The following WTIP variants were observed in gnomAD, a reference collection of about 807,000 sequenced individuals.
WTIP encodes the protein WT1 interacting protein.
Under a neutral mutation model 41.7 loss-of-function variants are expected in WTIP, and 23 were observed. The ratio of observed to expected loss-of-function variants is 0.55; its 90% CI spans 0.40 to 0.78. WTIP has a LOEUF of 0.78. WTIP is among the 30% of genes least tolerant of loss of function. The probability of loss-of-function intolerance (pLI) is 0.00; values close to 1 mark genes in which losing one functional copy is unlikely to be tolerated. For synonymous variants in WTIP, 314 were observed against 269.9 expected (o/e 1.16, Z -1.60); for missense variants, 619 against 610.5 (o/e 1.01, Z -0.15).
In WTIP at chr19:34,495,676, G is replaced by A. The variant is rs775898051; in HGVS notation, c.1084-27G>A. 4.2e-5 allele frequency: 67 copies of A among 1,612,660 alleles called. No homozygotes were observed. In the Middle Eastern group the frequency reaches 4.9e-4, roughly 12 times the overall value. ...TGCCTCCAGTCCCCACATGCTCATC[G>A]TGTGTGAACTCCTTCTCTTCCTCCA... On this transcript the variant is annotated intron_variant, in intron 6 of 7. Transcript: ENST00000590071.
At chr19:34,483,212 CAG>C (rs2075779643) in intron 1 of WTIP, among the ~76,000 whole-genome samples, 1 of 130,580 alleles carries the variant, frequency 7.7e-6, no homozygotes, top group Non-Finnish European at 1.6e-5. Flanking sequence ...TTTGTAGAGA[CAG>C]AGTCTCCCTA....
chr19:34,496,294 C>G (rs566723406), intron 7 of WTIP, among the ~76,000 whole-genome samples: 12 of 152,348 alleles, frequency 7.9e-5, no homozygotes, highest in Non-Finnish European at 1.5e-4. Context: ...TCTCAACCTC[C>G]TGAGTAGCTA....
chr19:34,491,706 G>A (rs1184700874), intron 2 of WTIP, among the ~76,000 whole-genome samples: 6 of 151,670 alleles, frequency 4.0e-5, no homozygotes, highest in South Asian at 2.1e-4. Flanking sequence ...GTGCAGTGGC[G>A]AGATCTCGGC....
In WTIP at chr19:34,502,749, G is replaced by T. The variant is rs554740931; in HGVS notation, c.*2480G>T. On this transcript the variant is annotated 3_prime_UTR_variant, in exon 8 of 8. Coordinates refer to ENST00000590071, the MANE Select transcript of WTIP (RefSeq NM_001080436.2). ...TTTTTGTATTTTTAGTTGAGAGGGGGTTTCAGCATGTTGGCCAGGTTGGTG... is the reference window on the plus strand; with the variant it reads ...TTTTTGTATTTTTAGTTGAGAGGGGTTTTCAGCATGTTGGCCAGGTTGGTG... 2.6e-5 allele frequency: 4 copies of T among 151,986 alleles called. No individual in the cohort carries two copies. Among genetic ancestry groups the T allele is most frequent in the African/African-American group, 9.7e-5 (4 of 41,398 alleles). The allele number at this position is 151,986 out of a possible 1,614,324, so 9.4% of individuals were successfully genotyped here.
At chr19:34,483,494 G>A (rs114541174) in intron 1 of WTIP, among the ~76,000 whole-genome samples, 2 of 152,218 alleles carry the variant, frequency 1.3e-5, no homozygotes, top group African/African-American at 4.8e-5. Context: ...CCAGGCTTTG[G>A]TGATGGTAGC....
rs1290375442 is a variant in WTIP, at chr19:34,490,593, A to C, written c.769+116A>C. ...CAGATGGACCACCTGGCTCTGGCCC[A>C]GGCTGGGCTGTGGAGGACTCTGTCT... On this transcript the variant is annotated intron_variant, in intron 2 of 7. Transcript: ENST00000590071. 4 of 1,141,154 alleles carry C rather than the reference A, an allele frequency of 3.5e-6. No individual in the cohort carries two copies. In the Admixed American group the frequency reaches 8.1e-5, roughly 23 times the overall value. The allele number at this position is 1,141,154 out of a possible 1,614,324, so 70.7% of individuals were successfully genotyped here.
rs375698370 is a variant in WTIP, at chr19:34,484,723, T to C, written c.667+2082T>C. ...GGTGGCTGAGGTCCCAGGCAGGTAA[T>C]GTGGAGATGATACAAGAAGGTAGGG... On this transcript the variant is annotated intron_variant, in intron 1 of 7. Coordinates refer to ENST00000590071, the MANE Select transcript of WTIP (RefSeq NM_001080436.2). 9.9e-5 allele frequency among the ~76,000 whole-genome samples: 15 copies of C among 151,970 alleles called. No individual in the cohort carries two copies. The South Asian group carries it at 3.1e-3, about 32-fold the overall frequency.
chr19:34,497,645 C>T (rs776591629), intron 7 of WTIP, among the ~76,000 whole-genome samples: 6 of 152,188 alleles, frequency 3.9e-5, no homozygotes, highest in Admixed American at 2.6e-4. Flanking sequence ...CCGGCGACCG[C>T]GCCCCAGCAA....
chr19:34,497,646 G>A (rs375832882), intron 7 of WTIP, among the ~76,000 whole-genome samples: 31 of 152,316 alleles, frequency 2.0e-4, no homozygotes, highest in Middle Eastern at 3.4e-3. Flanking sequence ...CGGCGACCGC[G>A]CCCCAGCAAG....
chr19:34,494,468 A>G, intron 5 of WTIP, 118 bp from the exon 6 acceptor site: 2 of 929,024 alleles, frequency 2.2e-6, no homozygotes, highest in Non-Finnish European at 3.4e-6. Context: ...GTGTGCACAC[A>G]GGGAGAGAGG....
rs1233063756 is a variant in WTIP at position 34,493,199 on chromosome 19, G to A, written c.838-64G>A. On this transcript the variant is annotated intron_variant, in intron 3 of 7. Transcript: ENST00000590071. This position sits in a 1 kb window ranked among gnomAD's most constrained non-coding sequence, Gnocchi z 4.1. ...GTGGAGACCTGAGGCCAGGAGGCAGGTGCTAGCTGGGCCGCGAGTGCCCCT... is the reference window on the plus strand; with the variant it reads ...GTGGAGACCTGAGGCCAGGAGGCAGATGCTAGCTGGGCCGCGAGTGCCCCT... 4 of 1,612,640 alleles carry A rather than the reference G, an allele frequency of 2.5e-6. No homozygotes were observed. The highest frequency in any genetic ancestry group is 3.4e-6 in the Non-Finnish European group (4 of 1,178,926).
Position 34,490,480 on chromosome 19 carries a change from A to G in WTIP, c.769+3A>G, listed in dbSNP as rs1052660900. ...CTGCTTCACCTGCGACTCGTGTGGT[A>G]GGTAACCTCGTGCCCTGGGTAGCTC... On this transcript the variant is annotated splice_donor_region_variant and intron_variant, in intron 2 of 7. Transcript: ENST00000590071. 1.9e-6 allele frequency: 3 copies of G among 1,613,844 alleles called. No individual in the cohort carries two copies. The highest frequency in any genetic ancestry group is 2.5e-6 in the Non-Finnish European group (3 of 1,179,756).
chr19:34,491,590 G>A (rs530110628), intron 2 of WTIP, among the ~76,000 whole-genome samples: 7 of 152,148 alleles, frequency 4.6e-5, no homozygotes, highest in African/African-American at 1.4e-4. Flanking sequence ...CCACAGTGCT[G>A]GGATTATAGG....
rs1364522504 is a variant in WTIP, at chr19:34,506,815, G to T, written c.*6546G>T. On this transcript the variant is annotated 3_prime_UTR_variant, in exon 8 of 8. Transcript: ENST00000590071. ...AAATAAATGAATATAAATAAAACTG[G>T]TTAAAAATTGAGTCTCCCTGAAGTA... 2 of 151,652 alleles carry T rather than the reference G, an allele frequency of 1.3e-5. No homozygotes were observed. The highest frequency in any genetic ancestry group is 2.9e-5 in the Non-Finnish European group (2 of 67,954). The allele number at this position is 151,652 out of a possible 1,614,324, so 9.4% of individuals were successfully genotyped here. A position where few individuals can be genotyped will look rare whatever the true frequency, so the allele number is the denominator to read the frequency against.
Position 34,493,571 on chromosome 19 carries a change from C to T in WTIP, c.980C>T (p.Pro327Leu), listed in dbSNP as rs2075837426. ...TGCAATGAGTGCCTGGACGGGGTTCCCTTCACCGTGGACGTGGAGAACAAC... is the reference window on the plus strand; with the variant it reads ...TGCAATGAGTGCCTGGACGGGGTTCTCTTCACCGTGGACGTGGAGAACAAC... Reference protein sequence around the residue: ...SVCNECLDGVPFTVDVENNIY... With the variant: ...SVCNECLDGVLFTVDVENNIY... The change falls in exon 5 of 8, where the codon CCC becomes CTC. Residue 327 changes from proline (P) to leucine (L), a missense_variant. Pro to Leu is a moderately conservative substitution (Grantham distance 98). This residue lies in a region of WTIP where 164 missense variants were observed against 219.1 expected (regional missense o/e 0.75). Transcript: ENST00000590071. This position sits in a 1 kb window ranked among gnomAD's most constrained non-coding sequence, Gnocchi z 4.1. The T allele has an allele frequency of 6.2e-7, 1 of 1,613,578 alleles. No individual in the cohort carries two copies. The highest frequency in any genetic ancestry group is 1.3e-5 in the African/African-American group (1 of 74,920).
At chr19:34,495,606 G>A (rs1021008698) in intron 6 of WTIP, 97 bp from the exon 7 acceptor site, 15 of 1,423,764 alleles carry the variant, frequency 1.1e-5, no homozygotes, top group Middle Eastern at 1.8e-4. Flanking sequence ...GTGCACCTCC[G>A]CCGGGACAGG....
chr19:34,491,937 C>T (rs2075827500), intron 2 of WTIP, among the ~76,000 whole-genome samples: 2 of 152,174 alleles, frequency 1.3e-5, no homozygotes, highest in Non-Finnish European at 2.9e-5. Context: ...AGCCACCGCG[C>T]CTGGCCCTAT....
intron 1 of WTIP, among the ~76,000 whole-genome samples, chr19:34,489,483 G>T (rs963533756): frequency 9.9e-5 from 15 of 152,264 alleles, no homozygotes; most frequent in African/African-American, 2.9e-4. Flanking sequence ...GGCTGCAGAG[G>T]GGTGGTGACT....
At chr19:34,488,751 T>C (rs909188652) in intron 1 of WTIP, among the ~76,000 whole-genome samples, 1 of 151,546 alleles carries the variant, frequency 6.6e-6, no homozygotes, top group Non-Finnish European at 1.5e-5. Context: ...AAATCACACA[T>C]CCTTGGCCGG....
Sources: allele counts gnomAD v4.1 joint callset (sites outside exome capture counted in the v4.1 genomes callset), GRCh38; gene constraint gnomAD v4.1.1; regional missense constraint gnomAD v4.1.1; non-coding constraint Gnocchi (gnomAD v3.1); transcripts MANE v1.5; gene names NCBI Gene and HGNC (gene_info 2026-07-23, HGNC 2026-07-21).